The following OPRM1 variants were observed in gnomAD, a reference collection of about 807,000 sequenced individuals.
The protein encoded by OPRM1 is mu-type opioid receptor.
OPRM1 carries 27 observed loss-of-function variants against 31.8 expected under a neutral mutation model. That is an observed-to-expected ratio of 0.85 (90% CI 0.63 to 1.17). The LOEUF is 1.17. Ranked by LOEUF, OPRM1 falls within the 50% of genes most tolerant of loss-of-function variation. The probability of loss-of-function intolerance (pLI) is 0.00; values close to 1 mark genes in which losing one functional copy is unlikely to be tolerated. For missense variants in OPRM1, 536 were observed against 511.1 expected (o/e 1.05, Z -0.47); for synonymous variants, 196 against 189.9 (o/e 1.03, Z -0.26).
At chr6:154,171,571 T>C (rs1389668192) in intron 3 of OPRM1, among the ~76,000 whole-genome samples, 1 of 152,200 alleles carries the variant, frequency 6.6e-6, no homozygotes, top group Non-Finnish European at 1.5e-5. Flanking sequence ...CAATTCCAAA[T>C]ATACTAAAAA....
chr6:154,079,138 G>A (rs969802561), intron 1 of OPRM1, among the ~76,000 whole-genome samples: 3 of 152,132 alleles, frequency 2.0e-5, no homozygotes, highest in Admixed American at 2.0e-4. Context: ...ACTCTTTATG[G>A]GGAAATAAAC....
chr6:154,133,229 A>G (rs1797975159), downstream of OPRM1, among the ~76,000 whole-genome samples: 1 of 152,226 alleles, frequency 6.6e-6, no homozygotes, highest in African/African-American at 2.4e-5. Flanking sequence ...AGAAAAAGCT[A>G]TGTCCCTATA....
chr6:154,089,435 A>T (rs1791468561), intron 1 of OPRM1, among the ~76,000 whole-genome samples: 1 of 152,122 alleles, frequency 6.6e-6, no homozygotes, highest in South Asian at 2.1e-4. Flanking sequence ...AAAGTTTTTT[A>T]AAATTAACAG....
intron 3 of OPRM1, among the ~76,000 whole-genome samples, chr6:154,216,311 T>TG (rs896621005): frequency 6.6e-6 from 1 of 151,728 alleles, no homozygotes; most frequent in South Asian, 2.1e-4. Flanking sequence ...AAGATGGGGG[T>TG]GGGGGGTGGT....
At position 154,128,791 on chromosome 6, in the gene OPRM1, G is replaced by T. The variant is rs1049056255; in HGVS notation, c.*10070G>T. ...AAGGTCTGATAAATGGGAACTGCCA[G>T]GTAATAGCTATGCTATTTCTGACAT... On this transcript the variant is annotated 3_prime_UTR_variant, in exon 4 of 4. Transcript: ENST00000330432. Among the ~76,000 whole-genome samples the T allele has an allele frequency of 6.6e-6, 1 of 152,138 alleles. No homozygotes were observed. The highest frequency in any genetic ancestry group is 1.5e-5 in the Non-Finnish European group (1 of 68,024).
chr6:154,080,718 A>T (rs926428266), intron 1 of OPRM1, among the ~76,000 whole-genome samples: 1 of 152,322 alleles, frequency 6.6e-6, no homozygotes. Flanking sequence ...CCCGTACGTG[A>T]GTGGCTCCGG....
chr6:154,172,662 G>C (rs186313668), intron 3 of OPRM1, among the ~76,000 whole-genome samples: 2 of 152,200 alleles, frequency 1.3e-5, no homozygotes, highest in Non-Finnish European at 2.9e-5. Flanking sequence ...AGGGAAGCTC[G>C]AACTGGGCGG....
chr6:154,168,989 CA>C lies in OPRM1; in HGVS notation c.1164+77519del, dbSNP rs1382866049. ...CCTAAATTCATGTGTTTCTCACGTG[CA>C]ATATATTCACCTCATCCCAACAACT... On this transcript the variant is annotated intron_variant, in intron 3 of 3. Transcript: ENST00000337049. The surrounding 1 kb of genome is among the most constrained non-coding windows in gnomAD (Gnocchi z 4.1). Among the ~76,000 whole-genome samples, 1 of 151,734 alleles carries C rather than the reference CA, an allele frequency of 6.6e-6. No individual in the cohort carries two copies. The highest frequency in any genetic ancestry group is 1.9e-4 in the East Asian group (1 of 5,138).
At chr6:154,070,811 G>A (rs1003906135) in intron 1 of OPRM1, among the ~76,000 whole-genome samples, 5 of 152,186 alleles carry the variant, frequency 3.3e-5, no homozygotes, top group African/African-American at 1.2e-4. Flanking sequence ...AATCAAGGTA[G>A]TTTTAGTTAC....
At chr6:154,032,141 G>A (rs1191934582) in intron 1 of OPRM1, among the ~76,000 whole-genome samples, 1 of 152,186 alleles carries the variant, frequency 6.6e-6, no homozygotes, top group African/African-American at 2.4e-5. Flanking sequence ...GATACCAAAA[G>A]GTAGAGTCAA....
intron 1 of OPRM1, among the ~76,000 whole-genome samples, chr6:154,056,690 C>A (rs1181835378): frequency 1.3e-5 from 2 of 151,842 alleles, no homozygotes; most frequent in African/African-American, 4.8e-5. Flanking sequence ...TCTTTGTTTC[C>A]GAGCATTTTT....
At chr6:154,217,969 T>C (rs1778546978) in intron 3 of OPRM1, among the ~76,000 whole-genome samples, 1 of 152,240 alleles carries the variant, frequency 6.6e-6, no homozygotes. Context: ...CCAAAACTTG[T>C]AACCTTTTCA....
chr6:154,206,114 T>A (rs1202603604), intron 3 of OPRM1, among the ~76,000 whole-genome samples: 6 of 152,162 alleles, frequency 3.9e-5, no homozygotes, highest in African/African-American at 1.4e-4. Context: ...TACACAAAAA[T>A]ATTTATCAGC....
intron 3 of OPRM1, chr6:154,091,701 A>C: frequency 7.8e-7 from 1 of 1,284,258 alleles, no homozygotes; most frequent in Non-Finnish European, 9.8e-7. Context: ...GAAATCCATG[A>C]AACTATTCAA....
At chr6:154,109,059 A>G (rs910767713) in intron 3 of OPRM1, 20 of 984,034 alleles carry the variant, frequency 2.0e-5, no homozygotes, top group Non-Finnish European at 2.3e-5. Flanking sequence ...TCTAGTGTCT[A>G]GAACCAAAGA....
At chr6:154,075,360 C>T (rs1787638784) in intron 1 of OPRM1, among the ~76,000 whole-genome samples, 1 of 152,092 alleles carries the variant, frequency 6.6e-6, no homozygotes, top group South Asian at 2.1e-4. Flanking sequence ...GTAAAAAGAA[C>T]TGGCATTTTT....
At chr6:154,157,309 G>A in intron 3 of OPRM1, 1 of 152,388 alleles carries the variant, frequency 6.6e-6, no homozygotes, top group Non-Finnish European at 1.5e-5. Context: ...GCACAACCTG[G>A]TCAAAAGCAA....
At chr6:154,235,796 C>T (rs544693322) in intron 3 of OPRM1, among the ~76,000 whole-genome samples, 1 of 152,264 alleles carries the variant, frequency 6.6e-6, no homozygotes, top group South Asian at 2.1e-4. Context: ...GCGAAAGTTG[C>T]TCAAGGTCAC....
At chr6:154,188,124 T>C (rs1801544775) in intron 3 of OPRM1, among the ~76,000 whole-genome samples, 1 of 152,208 alleles carries the variant, frequency 6.6e-6, no homozygotes, top group South Asian at 2.1e-4. Context: ...AAATTTAGGA[T>C]AAATTACTAG....
Sources: allele counts gnomAD v4.1 joint callset (sites outside exome capture counted in the v4.1 genomes callset), GRCh38; gene constraint gnomAD v4.1.1; non-coding constraint Gnocchi (gnomAD v3.1); transcripts MANE v1.5; gene names NCBI Gene and HGNC (gene_info 2026-07-23, HGNC 2026-07-21).